The following PKD1 variants were observed in gnomAD, a reference collection of about 807,000 sequenced individuals.
PKD1 encodes polycystin-1.
In PKD1, 81 loss-of-function variants were observed where a neutral mutation model predicts 361.7. That is an observed-to-expected ratio of 0.22 (90% CI 0.19 to 0.27). The LOEUF (loss-of-function observed/expected upper bound fraction) is 0.27, where lower values mean the gene tolerates loss of function less well. Among genes scored for constraint, PKD1 ranks in the 10% least tolerant of loss-of-function variants. The pLI, the probability that PKD1 is intolerant of heterozygous loss-of-function variation, is 1.00. For missense variants in PKD1, 6,399 were observed against 6,118.3 expected (o/e 1.05, Z -1.53); for synonymous variants, 3,615 against 2,818.3 (o/e 1.28, Z -8.95).
rs1361686268 is a variant in PKD1, at chr16:2,090,944, C to A, written c.11943G>T (p.Ala3981=). The change falls in exon 43 of 46, where the codon GCG becomes GCT. Residue 3981 remains alanine (A), a synonymous_variant. Coordinates refer to ENST00000262304, the MANE Select transcript of PKD1 (RefSeq NM_001009944.3). ...GGCCACGGGCTGCGGAGCTCAGCTG[C>A]GCCACCTGGTCGAAGCTAGTGAAGC... The part of the protein sequence containing the change: ...PRRFTSFDQV[A]QLSSAARGLA... 2.5e-6 allele frequency: 4 copies of A among 1,568,632 alleles called. No homozygotes were observed. Among genetic ancestry groups the A allele is most frequent in the Non-Finnish European group, 2.6e-6 (3 of 1,164,072 alleles).
Position 2,097,351 on chromosome 16 carries a change from G to C in PKD1, c.10373C>G (p.Pro3458Arg). 1 of 1,612,402 alleles carries C rather than the reference G, an allele frequency of 6.2e-7. No individual in the cohort carries two copies. The highest frequency in any genetic ancestry group is 8.5e-7 in the Non-Finnish European group (1 of 1,179,950). Residue 3458 changes from proline (P) to arginine (R), a missense_variant, in exon 33 of 46, where the codon CCC becomes CGC. By Grantham distance (103) the Pro-to-Arg change is moderately radical. Transcript: ENST00000262304. ...PEEDGFSLAS[P>R]YSPAKSFSAS... ...TGAGAAGGATTTGGCAGGCGAGTAG[G>C]GGCTGGCCAGGGAGAAGCCGTCCTC...
Position 2,117,471 on chromosome 16 carries a change from G to T in PKD1, c.1385+18C>A, listed in dbSNP as rs1185073057. On this transcript the variant is annotated intron_variant, in intron 6 of 45. Coordinates refer to ENST00000262304, the MANE Select transcript of PKD1 (RefSeq NM_001009944.3). Reference sequence around the variant, plus strand: ...AGATCTCCCAACCTATGGCCCCTCGGGGGGTGGGGGCAGGCACCTGGTGAC... The same window carrying T: ...AGATCTCCCAACCTATGGCCCCTCGTGGGGTGGGGGCAGGCACCTGGTGAC... The T allele has an allele frequency of 1.1e-5, 16 of 1,441,982 alleles. No homozygotes were observed. The highest frequency in any genetic ancestry group is 1.5e-5 in the Non-Finnish European group (16 of 1,052,282). 89.3% of individuals were successfully genotyped at this position (1,441,982 alleles called of 1,614,324 possible).
At chr16:2,116,228 C>T (rs1410599236) in intron 8 of PKD1, 110 bp from the exon 9 acceptor site, 15 of 1,139,900 alleles carry the variant, frequency 1.3e-5, no homozygotes, top group Non-Finnish European at 1.8e-5. Flanking sequence ...AGCGAGCCAT[C>T]AGACCCCCAC....
At chr16:2,099,420 G>A (rs531010228) in intron 30 of PKD1, 1 of 641,088 alleles carries the variant, frequency 1.6e-6, no homozygotes, top group Admixed American at 2.2e-5. Context: ...CGTGGCGTCT[G>A]CTTAGCAAAG....
intron 41 of PKD1, 79 bp from the exon 42 acceptor site, chr16:2,091,676 G>C: frequency 1.3e-6 from 2 of 1,563,396 alleles, no homozygotes; most frequent in Non-Finnish European, 1.7e-6. Flanking sequence ...GCGTGGCTGA[G>C]GGGCTGTGGA....
chr16:2,093,882 C>G lies in PKD1; in HGVS notation c.10750G>C (p.Val3584Leu). Residue 3584 changes from valine to leucine, a missense_variant, in exon 36 of 46, where the codon GTG (valine) becomes CTG (leucine). By Grantham distance (32) the Val-to-Leu change is conservative. Transcript: ENST00000262304. ...CTGGACAGGAGCCACGCAACACTCA[C>G]GCCCGGGGGGAAGCTCGCACCCACC... ...GWVGASFPPG[V>L]SVAWLLSSSA... The G allele has an allele frequency of 6.3e-7, 1 of 1,575,080 alleles. No individual in the cohort carries two copies. The highest frequency in any genetic ancestry group is 1.1e-5 in the South Asian group (1 of 87,448).
chr16:2,135,044 A>AAG (rs1177440712), intron 1 of PKD1: 1 of 951,710 alleles, frequency 1.1e-6, no homozygotes, highest in Non-Finnish European at 1.2e-6. Flanking sequence ...GCCCCTTCCT[A>AAG]AGCATCAGCC....
intron 24 of PKD1, 40 bp from the exon 25 acceptor site, chr16:2,102,673 G>A (rs776699526): frequency 1.4e-5 from 22 of 1,610,358 alleles, no homozygotes; most frequent in Non-Finnish European, 1.7e-5. Flanking sequence ...CCCAGGCTCC[G>A]CCAGGTTGGA....
chr16:2,097,545 A>G (rs771624239), intron 32 of PKD1, 42 bp from the exon 33 acceptor site: 1 of 1,603,008 alleles, frequency 6.2e-7, no homozygotes, highest in Non-Finnish European at 8.5e-7. Context: ...GGGATGTGTC[A>G]CACACACAGC....
chr16:2,103,686 G>A lies in PKD1; in HGVS notation c.8371C>T (p.Arg2791Trp), dbSNP rs756886497. Residue 2791 changes from arginine to tryptophan, a missense_variant, in exon 23 of 46, where the codon CGG becomes TGG. Arg to Trp is a moderately radical substitution (Grantham distance 101, BLOSUM62 -3). Coordinates refer to ENST00000262304, the MANE Select transcript of PKD1 (RefSeq NM_001009944.3). ...IVAQGKRSDP[R>W]SLLCYGGAPG... is the part of the protein sequence containing the mutation. ...GCGCCGCCATAGCACAGCAGGCTCCGCGGGTCCGAGCGCTTGCCCTGGGCC... is the reference window on the plus strand; with the variant it reads ...GCGCCGCCATAGCACAGCAGGCTCCACGGGTCCGAGCGCTTGCCCTGGGCC... 1.8e-5 allele frequency: 29 copies of A among 1,609,908 alleles called. No homozygotes were observed. Among genetic ancestry groups the A allele is most frequent in the East Asian group, 2.2e-5 (1 of 44,822 alleles).
At chr16:2,121,026 A>G (rs1329753743) in intron 1 of PKD1, among the ~76,000 whole-genome samples, 1 of 151,962 alleles carries the variant, frequency 6.6e-6, no homozygotes, top group Non-Finnish European at 1.5e-5. Context: ...AAAAGAAAAA[A>G]AAAAGAAAAG....
rs759093325 is a variant in PKD1, at chr16:2,116,993, C to A, written c.1446G>T (p.Pro482=). 3.8e-6 allele frequency: 6 copies of A among 1,576,542 alleles called. No homozygotes were observed. The highest frequency in any genetic ancestry group is 1.3e-5 in the African/African-American group (1 of 74,480). Residue 482 remains proline, a synonymous_variant, in exon 7 of 46, where the codon CCG becomes CCT. Transcript: ENST00000262304. ...TCTCCAGGCTGAAGGCCTCGCCCTG[C>A]GGCGCTGGGCCCACCTCCACCCCCT... ...TVQGVEVGPA[P]QGEAFSLESC...
intron 43 of PKD1, 29 bp from the exon 44 acceptor site, chr16:2,090,837 G>A: frequency 6.2e-7 from 1 of 1,611,132 alleles, no homozygotes; most frequent in South Asian, 1.1e-5. Context: ...TCTGCTTGCA[G>A]CCCTGGGGTG....
At position 2,093,102 on chromosome 16, in the gene PKD1, C is replaced by CG. The variant is rs543923323; in HGVS notation, c.11017-10dup. 5.1e-4 allele frequency: 816 copies of CG among 1,611,746 alleles called. 1 individual carries two copies. Among genetic ancestry groups the CG allele is most frequent in the South Asian group, 1.5e-3 (133 of 91,044 alleles). On this transcript the variant is annotated splice_polypyrimidine_tract_variant and intron_variant, in intron 37 of 45. Transcript: ENST00000262304. Reference sequence around the variant, plus strand: ...ATGTACACCAGGAGGCTCTGGTGGACGGGGGGGCCCTGTGGTCAGCCTGGC... The same window carrying CG: ...ATGTACACCAGGAGGCTCTGGTGGACGGGGGGGGCCCTGTGGTCAGCCTGGC...
At position 2,110,069 on chromosome 16, in the gene PKD1, T is replaced by C. The variant is rs773098908; in HGVS notation, c.5098A>G (p.Thr1700Ala). 10 of 1,609,984 alleles carry C rather than the reference T, an allele frequency of 6.2e-6. No homozygotes were observed. The highest frequency in any genetic ancestry group is 4.4e-5 in the South Asian group (4 of 90,896). ...GCCCAGGCGCTGCCCAGCATGTTGG[T>C]GGCCCGCAGCTGCACATGGTAGGTG... ...AGTYHVQLRA[T>A]NMLGSAWADC... The change falls in exon 15 of 46, where the codon ACC becomes GCC. Residue 1700 changes from threonine to alanine, a missense_variant. Physicochemically the swap from Thr to Ala is moderately conservative, Grantham distance 58. Coordinates refer to ENST00000262304, the MANE Select transcript of PKD1 (RefSeq NM_001009944.3).
chr16:2,118,888 A>G lies in PKD1; in HGVS notation c.360-43T>C, dbSNP rs980832293. On this transcript the variant is annotated intron_variant, in intron 3 of 45. Transcript: ENST00000262304. This position sits in a 1 kb window ranked among gnomAD's most constrained non-coding sequence, Gnocchi z 6.0. The stretch of plus-strand genomic sequence containing the variant: ...GTGTTGGGGACCAGGTCTGGTGGGA[A>G]GGGTCTATGCCAGCCCCCCACTGGC... The G allele has an allele frequency of 4.2e-6, 6 of 1,425,646 alleles. No individual in the cohort carries two copies. In the African/African-American group the frequency reaches 5.6e-5, roughly 13 times the overall value. The allele number at this position is 1,425,646 out of a possible 1,614,324, so 88.3% of individuals were successfully genotyped here. A position where few individuals can be genotyped will look rare whatever the true frequency, so the allele number is the denominator to read the frequency against.
Position 2,109,819 on chromosome 16 carries a change from G to C in PKD1, c.5348C>G (p.Ala1783Gly), listed in dbSNP as rs763344120. 8.7e-6 allele frequency: 14 copies of C among 1,610,644 alleles called. No homozygotes were observed. Among genetic ancestry groups the C allele is most frequent in the Non-Finnish European group, 1.1e-5 (13 of 1,179,812 alleles). ...TPGLHLVTMTAGNPLGSANAT... is the reference protein window; with the variant it reads ...TPGLHLVTMTGGNPLGSANAT... The stretch of plus-strand genomic sequence containing the variant: ...GTTGGCTGAGCCCAGCGGGTTCCCT[G>C]CCGTCATGGTGACCAAGTGCAGGCC... The change falls in exon 15 of 46, where the codon GCA becomes GGA. Residue 1783 changes from alanine to glycine, a missense_variant. Ala to Gly is a moderately conservative substitution (Grantham distance 60). Transcript: ENST00000262304.
chr16:2,118,804 G>A lies in PKD1; in HGVS notation c.401C>T (p.Ala134Val), dbSNP rs1296786347. The A allele has an allele frequency of 8.8e-6, 14 of 1,582,642 alleles. No homozygotes were observed. The highest frequency in any genetic ancestry group is 8.0e-5 in the African/African-American group (6 of 74,590). Residue 134 changes from alanine to valine, a missense_variant, in exon 4 of 46, where the codon GCG becomes GTG. Coordinates refer to ENST00000262304, the MANE Select transcript of PKD1 (RefSeq NM_001009944.3). This position sits in a 1 kb window ranked among gnomAD's most constrained non-coding sequence, Gnocchi z 6.0. ...CTCCTCCGCCCATCGCGGCAGCCACGCCAGGCCACAGTCACACTCAAACGG... is the reference window on the plus strand; with the variant it reads ...CTCCTCCGCCCATCGCGGCAGCCACACCAGGCCACAGTCACACTCAAACGG... ...GNPFECDCGL[A>V]WLPRWAEEQQ...
In PKD1 at chr16:2,118,126, A is replaced by C; in HGVS notation, c.866T>G (p.Leu289Arg). Residue 289 changes from leucine (L) to arginine (R), a missense_variant, in exon 5 of 46, where the codon CTA (leucine) becomes CGA (arginine). By Grantham distance (102) the Leu-to-Arg change is moderately radical (BLOSUM62 -2). Coordinates refer to ENST00000262304, the MANE Select transcript of PKD1 (RefSeq NM_001009944.3). The surrounding 1 kb of genome is among the most constrained non-coding windows in gnomAD (Gnocchi z 6.0). ...CGGGGCAGCGATGTGGAAGGCTGCT[A>C]GCTGGCCAGAGGCCAGAGGTCCGTG... ...GPHGPLASGQ[L>R]AAFHIAAPLP... The C allele has an allele frequency of 2.5e-6, 4 of 1,601,496 alleles. No individual in the cohort carries two copies. Among genetic ancestry groups the C allele is most frequent in the Non-Finnish European group, 3.4e-6 (4 of 1,175,950 alleles).
Sources: allele counts gnomAD v4.1 joint callset (sites outside exome capture counted in the v4.1 genomes callset), GRCh38; gene constraint gnomAD v4.1.1; non-coding constraint Gnocchi (gnomAD v3.1); transcripts MANE v1.5; gene names NCBI Gene and HGNC (gene_info 2026-07-23, HGNC 2026-07-21).